TAF8: variants seen among roughly 807,000 people sequenced by gnomAD.
TAF8 encodes the protein transcription initiation factor TFIID subunit 8.
A neutral mutation model predicts 36.5 loss-of-function variants in TAF8; 47 were observed. The ratio of observed to expected loss-of-function variants is 1.29; its 90% CI spans 1.02 to 1.64. The LOEUF (loss-of-function observed/expected upper bound fraction) is 1.64, where lower values mean the gene tolerates loss of function less well. Ranked by LOEUF, TAF8 falls within the 40% of genes most tolerant of loss-of-function variation. The probability of loss-of-function intolerance (pLI) is 0.00; values close to 1 mark genes in which losing one functional copy is unlikely to be tolerated. For missense variants in TAF8, 420 were observed against 407.6 expected, an observed-to-expected ratio of 1.03 and a Z score of -0.26; for synonymous variants, 175 against 159.5, an observed-to-expected ratio of 1.10 and a Z score of -0.73.
intron 7 of TAF8, among the ~76,000 whole-genome samples, chr6:42,075,837 A>T (rs1222617559): frequency 6.6e-6 from 1 of 152,214 alleles, no homozygotes; most frequent in South Asian, 2.1e-4. Flanking sequence ...CACAACTGTG[A>T]CTTTTTAAGA....
Position 42,078,610 on chromosome 6 carries a change from G to C in TAF8, c.*1065G>C. ...CTGTGAAGAAGAACGACATGTCGGG[G>C]CTGCACCTGTCCTCCCGTCGGCATT... On this transcript the variant is annotated 3_prime_UTR_variant, in exon 9 of 9. Transcript: ENST00000372977. 1.0e-6 allele frequency: 1 copy of C among 985,458 alleles called. No individual in the cohort carries two copies. The highest frequency in any genetic ancestry group is 1.2e-6 in the Non-Finnish European group (1 of 829,958). The allele number at this position is 985,458 out of a possible 1,614,324, so 61.0% of individuals were successfully genotyped here. A position where few individuals can be genotyped will look rare whatever the true frequency, so the allele number is the denominator to read the frequency against.
chr6:42,086,781 A>G, downstream of TAF8: 2 of 1,546,058 alleles, frequency 1.3e-6, no homozygotes, highest in Non-Finnish European at 1.8e-6. Flanking sequence ...CCCCAAGGAG[A>G]TCGGTCACCA....
chr6:42,077,319 A>C (rs1297385779), intron 8 of TAF8, 80 bp downstream of exon 8: 1 of 1,536,850 alleles, frequency 6.5e-7, no homozygotes, highest in East Asian at 2.3e-5. Context: ...GAGTCTCCTC[A>C]GTGGGGCGGA....
Position 42,079,673 on chromosome 6 carries a change from A to T in TAF8, c.*2128A>T. The stretch of plus-strand genomic sequence containing the variant: ...CACTCCCCGGGTTCAAGCAATTCTC[A>T]GAGTAGCTGGGATTACAGATGCCCG... On this transcript the variant is annotated 3_prime_UTR_variant, in exon 9 of 9. Transcript: ENST00000372977. The T allele has an allele frequency of 1.3e-6, 1 of 757,252 alleles. No individual in the cohort carries two copies. The highest frequency in any genetic ancestry group is 1.6e-6 in the Non-Finnish European group (1 of 623,068). 46.9% of individuals were successfully genotyped at this position (757,252 alleles called of 1,614,324 possible).
rs995117664 is a variant in TAF8, at chr6:42,078,254, T to C, written c.*709T>C. 53 of 985,404 alleles carry C rather than the reference T, an allele frequency of 5.4e-5. No homozygotes were observed. The highest frequency in any genetic ancestry group is 6.3e-5 in the Non-Finnish European group (52 of 829,994). 61.0% of individuals were successfully genotyped at this position (985,404 alleles called of 1,614,324 possible). ...AGCAGCAGCCAGTGACTTCGTTCAT[T>C]ATCACAGGATTTGATTCCTTTGAAA... On this transcript the variant is annotated 3_prime_UTR_variant, in exon 9 of 9. Transcript: ENST00000372977.
chr6:42,055,810 A>G, intron 3 of TAF8, 142 bp from the exon 4 acceptor site: 1 of 754,864 alleles, frequency 1.3e-6, no homozygotes, highest in East Asian at 2.6e-5. Flanking sequence ...ATTCCCTGTT[A>G]GGGAATTCTG....
rs565593938 is a variant in TAF8, at chr6:42,080,843, G to A, written c.*3298G>A. On this transcript the variant is annotated 3_prime_UTR_variant, in exon 9 of 9. Transcript: ENST00000372977. ...CTTAGAGGCCAAAAGTAGTAAACAT[G>A]CAGATTAAAAATGTTTATGAAAATC... 1 of 977,908 alleles carries A rather than the reference G, an allele frequency of 1.0e-6. No homozygotes were observed. The highest frequency in any genetic ancestry group is 6.2e-5 in the Admixed American group (1 of 16,250). 60.6% of individuals were successfully genotyped at this position (977,908 alleles called of 1,614,324 possible). A position where few individuals can be genotyped will look rare whatever the true frequency, so the allele number is the denominator to read the frequency against.
At chr6:42,060,673 A>G (rs1347832259) in intron 5 of TAF8, among the ~76,000 whole-genome samples, 1 of 152,122 alleles carries the variant, frequency 6.6e-6, no homozygotes, top group Non-Finnish European at 1.5e-5. Flanking sequence ...AGATTCCCCA[A>G]CGGGCTTTAA....
downstream of TAF8, chr6:42,086,676 A>G (rs527686711): frequency 1.6e-4 from 249 of 1,550,248 alleles, 6 homozygotes; most frequent in South Asian, 2.8e-3. Flanking sequence ...TGACAATCCA[A>G]ATAGAATGAG....
intron 7 of TAF8, among the ~76,000 whole-genome samples, chr6:42,068,987 A>T (rs888309248): frequency 6.6e-6 from 1 of 152,082 alleles, no homozygotes; most frequent in Non-Finnish European, 1.5e-5. Context: ...TTGAGTAAAG[A>T]CCGGAAGGGA....
At position 42,078,699 on chromosome 6, in the gene TAF8, T is replaced by C. The variant is rs920370468; in HGVS notation, c.*1154T>C. On this transcript the variant is annotated 3_prime_UTR_variant, in exon 9 of 9. Coordinates refer to ENST00000372977, the MANE Select transcript of TAF8 (RefSeq NM_138572.3). Reference sequence around the variant, plus strand: ...TGAGAGATTTACCATTTATTGCCCCTGTGAGGAATGTGTGCTTGGGAACTG... The same window carrying C: ...TGAGAGATTTACCATTTATTGCCCCCGTGAGGAATGTGTGCTTGGGAACTG... 1.5e-5 allele frequency: 15 copies of C among 985,318 alleles called. No individual in the cohort carries two copies. In the African/African-American group the frequency reaches 2.3e-4, roughly 15 times the overall value. The allele number at this position is 985,318 out of a possible 1,614,324, so 61.0% of individuals were successfully genotyped here. A position where few individuals can be genotyped will look rare whatever the true frequency, so the allele number is the denominator to read the frequency against.
At chr6:42,076,965 T>C in intron 7 of TAF8, 135 bp from the exon 8 acceptor site, 1 of 1,132,838 alleles carries the variant, frequency 8.8e-7, no homozygotes, top group Non-Finnish European at 1.2e-6. Flanking sequence ...GGGGCAGAGA[T>C]AGGAATGTTG....
intron 5 of TAF8, among the ~76,000 whole-genome samples, chr6:42,064,687 G>A (rs1460324484): frequency 1.3e-5 from 2 of 152,070 alleles, no homozygotes; most frequent in Non-Finnish European, 2.9e-5. Context: ...CTTTAAAAAT[G>A]CTATCTCAGC....
intron 1 of TAF8, chr6:42,051,151 G>A: frequency 7.8e-7 from 1 of 1,287,432 alleles, no homozygotes; most frequent in Non-Finnish European, 9.9e-7. Flanking sequence ...GTACGTTTTA[G>A]GTAAGCGGAG....
rs759105989 is a variant in TAF8, at chr6:42,055,513, C to T, written c.203-18C>T. The stretch of plus-strand genomic sequence containing the variant: ...TGAGGAACTGAGAATAAGTTTTATG[C>T]CTTTAATCCCCTCTTAGACATTTCA... On this transcript the variant is annotated intron_variant, in intron 2 of 8. Coordinates refer to ENST00000372977, the MANE Select transcript of TAF8 (RefSeq NM_138572.3). The T allele has an allele frequency of 5.8e-6, 9 of 1,556,732 alleles. No individual in the cohort carries two copies. In the African/African-American group the frequency reaches 1.1e-4, roughly 19 times the overall value.
chr6:42,058,615 T>C (rs1475461135), intron 5 of TAF8, among the ~76,000 whole-genome samples: 3 of 152,106 alleles, frequency 2.0e-5, no homozygotes, highest in Non-Finnish European at 4.4e-5. Flanking sequence ...TTCCATACCT[T>C]AGGGTGGGGG....
chr6:42,078,471 C>T lies in TAF8; in HGVS notation c.*926C>T, dbSNP rs1765828202. 18 of 985,500 alleles carry T rather than the reference C, an allele frequency of 1.8e-5. No homozygotes were observed. Among genetic ancestry groups the T allele is most frequent in the South Asian group, 4.7e-5 (1 of 21,292 alleles). The allele number at this position is 985,500 out of a possible 1,614,324, so 61.0% of individuals were successfully genotyped here. A position where few individuals can be genotyped will look rare whatever the true frequency, so the allele number is the denominator to read the frequency against. On this transcript the variant is annotated 3_prime_UTR_variant, in exon 9 of 9. Coordinates refer to ENST00000372977, the MANE Select transcript of TAF8 (RefSeq NM_138572.3). ...TCCTCATCTGGCCTCCCAAGTGCTC[C>T]GTTGAGCTGATGAAAAGTTCTTTGT...
rs1027261881 is a variant in TAF8, at chr6:42,082,410, C to T, written c.*4865C>T. The T allele has an allele frequency of 1.3e-5, 2 of 152,286 alleles. No individual in the cohort carries two copies. The highest frequency in any genetic ancestry group is 4.8e-5 in the African/African-American group (2 of 41,462). The allele number at this position is 152,286 out of a possible 1,614,324, so 9.4% of individuals were successfully genotyped here. ...GGAGTGCAGTGGAGCGATCCCAGCTCACTGCAACTCCTCCACCTCCCGGGT... is the reference window on the plus strand; with the variant it reads ...GGAGTGCAGTGGAGCGATCCCAGCTTACTGCAACTCCTCCACCTCCCGGGT... On this transcript the variant is annotated 3_prime_UTR_variant, in exon 9 of 9. Coordinates refer to ENST00000372977, the MANE Select transcript of TAF8 (RefSeq NM_138572.3).
chr6:42,057,745 C>G, intron 5 of TAF8: 1 of 411,722 alleles, frequency 2.4e-6, no homozygotes, highest in Non-Finnish European at 4.2e-6. Context: ...CAGAGCAAGA[C>G]CCTGTCTCAT....
Sources: allele counts gnomAD v4.1 joint callset (sites outside exome capture counted in the v4.1 genomes callset), GRCh38; gene constraint gnomAD v4.1.1; transcripts MANE v1.5; gene names NCBI Gene and HGNC (gene_info 2026-07-23, HGNC 2026-07-21).